Variants in ELMO1 observed in about 807,000 individuals in gnomAD.
ELMO1 encodes the protein engulfment and cell motility 1.
ELMO1 carries 26 observed loss-of-function variants against 98.9 expected under a neutral mutation model. The ratio of observed to expected loss-of-function variants is 0.26; its 90% confidence interval spans 0.19 to 0.36. The LOEUF (loss-of-function observed/expected upper bound fraction) is 0.36. Among genes scored for constraint, ELMO1 ranks in the 10% least tolerant of loss-of-function variants. ELMO1 has a pLI of 1.00. For synonymous variants in ELMO1, 346 were observed against 346.0 expected (o/e 1.00, Z 0.00); for missense variants, 627 against 935.2 (o/e 0.67, Z 4.30).
intron 4 of ELMO1, among the ~76,000 whole-genome samples, chr7:37,312,691 A>G (rs531732934): frequency 2.7e-4 from 41 of 152,308 alleles, no homozygotes; most frequent in African/African-American, 8.7e-4. Flanking sequence ...AATCTTCACT[A>G]CACTGAGGTC....
At chr7:37,057,535 T>C (rs1297014359) in intron 15 of ELMO1, among the ~76,000 whole-genome samples, 2 of 152,266 alleles carry the variant, frequency 1.3e-5, no homozygotes, top group African/African-American at 4.8e-5. Flanking sequence ...TCATGAGCTT[T>C]GTTCTTTACA....
intron 14 of ELMO1, among the ~76,000 whole-genome samples, chr7:37,131,564 C>G (rs1430076147): frequency 6.6e-6 from 1 of 152,216 alleles, no homozygotes; most frequent in Non-Finnish European, 1.5e-5. Context: ...TCAATTTCTA[C>G]TTAGCTTCTA....
intron 8 of ELMO1, among the ~76,000 whole-genome samples, chr7:37,227,510 T>G (rs1265121401): frequency 6.6e-6 from 1 of 152,072 alleles, no homozygotes; most frequent in Non-Finnish European, 1.5e-5. Context: ...CTCAGCCTCT[T>G]AAGTAGCTGG....
intron 15 of ELMO1, among the ~76,000 whole-genome samples, chr7:37,083,429 CCAG>C (rs1783583562): frequency 6.6e-6 from 1 of 152,026 alleles, no homozygotes; most frequent in African/African-American, 2.4e-5. Context: ...AGCAAAGAAA[CCAG>C]CAGATTTCCA....
At chr7:37,272,348 T>C (rs1476360272) in intron 4 of ELMO1, among the ~76,000 whole-genome samples, 4 of 152,152 alleles carry the variant, frequency 2.6e-5, no homozygotes, top group East Asian at 3.9e-4. Context: ...GTCTATCCGT[T>C]CCACAGAAAA....
At chr7:37,170,636 GTC>G (rs1275646726) in intron 13 of ELMO1, among the ~76,000 whole-genome samples, 1 of 138,524 alleles carries the variant, frequency 7.2e-6, no homozygotes, top group Non-Finnish European at 1.5e-5. Flanking sequence ...TTTTGTCAGA[GTC>G]TCACTCTGTC....
intron 16 of ELMO1, among the ~76,000 whole-genome samples, chr7:36,959,333 C>G (rs987312758): frequency 2.6e-5 from 4 of 152,122 alleles, no homozygotes; most frequent in Non-Finnish European, 5.9e-5. Context: ...CACTCCGGTG[C>G]TCAAAACTCT....
At chr7:36,990,113 G>A (rs1048773257) in intron 16 of ELMO1, among the ~76,000 whole-genome samples, 2 of 152,074 alleles carry the variant, frequency 1.3e-5, no homozygotes, top group African/African-American at 2.4e-5. Flanking sequence ...TAGCATCTTC[G>A]AGGAAACTTC....
At chr7:37,033,492 TAA>T (rs35858298) in intron 15 of ELMO1, 23,729 of 369,964 alleles carry the variant, frequency 0.064, 614 homozygotes, top group African/African-American at 0.15. Context: ...TGTTTAGTGT[TAA>T]AAAAAAAAAA....
At chr7:36,900,959 C>T (rs1288418899) in intron 16 of ELMO1, among the ~76,000 whole-genome samples, 1 of 152,136 alleles carries the variant, frequency 6.6e-6, no homozygotes, top group Non-Finnish European at 1.5e-5. Flanking sequence ...ACCCTAAGTG[C>T]TCATGTGTGG....
chr7:37,118,410 T>C (rs1183712220), intron 14 of ELMO1, among the ~76,000 whole-genome samples: 1 of 152,222 alleles, frequency 6.6e-6, no homozygotes, highest in Admixed American at 6.5e-5. Context: ...CTGGGAAACA[T>C]GCCTTTTCCT....
chr7:37,151,998 T>C (rs760691817), intron 13 of ELMO1, among the ~76,000 whole-genome samples: 19 of 152,082 alleles, frequency 1.2e-4, no homozygotes, highest in Admixed American at 5.2e-4. Context: ...AGGATTTGAG[T>C]CCATTGCCAA....
intron 1 of ELMO1, among the ~76,000 whole-genome samples, chr7:37,425,607 G>T (rs1804663896): frequency 6.6e-6 from 1 of 152,190 alleles, no homozygotes. Context: ...CATAAGCTCT[G>T]CCAACAGCTA....
chr7:36,996,917 A>C (rs1449515172), intron 16 of ELMO1, among the ~76,000 whole-genome samples: 2 of 152,170 alleles, frequency 1.3e-5, no homozygotes, highest in Non-Finnish European at 2.9e-5. Context: ...TGTTGTTTGG[A>C]AGAGTGGTTT....
At chr7:37,107,463 G>A (rs762046508) in intron 14 of ELMO1, among the ~76,000 whole-genome samples, 2 of 152,130 alleles carry the variant, frequency 1.3e-5, no homozygotes, top group Non-Finnish European at 2.9e-5. Context: ...AATTACAATG[G>A]GAAAATGGAT....
intron 13 of ELMO1, among the ~76,000 whole-genome samples, chr7:37,184,696 C>G (rs1791092082): frequency 6.6e-6 from 1 of 152,008 alleles, no homozygotes; most frequent in Admixed American, 6.6e-5. Context: ...TCACTTGAGC[C>G]TGGGAGTTTG....
rs183981328 is a variant in ELMO1, at chr7:37,294,726, G to A, written c.192+20124C>T. On this transcript the variant is annotated intron_variant, in intron 4 of 21. Coordinates refer to ENST00000310758, the MANE Select transcript of ELMO1 (RefSeq NM_014800.11). ...ATCATAAATTCATCTCAGGCCAGGC[G>A]CGGGGGCTCACGCCTGTAATCCCAA... is the stretch of plus-strand genomic sequence containing the variant. Among the ~76,000 whole-genome samples, 13 of 152,298 alleles carry A rather than the reference G, an allele frequency of 8.5e-5. No individual in the cohort carries two copies. The East Asian group carries it at 1.9e-3, about 23-fold the overall frequency.
At chr7:36,910,512 A>C (rs1584354384) in intron 16 of ELMO1, among the ~76,000 whole-genome samples, 1 of 152,332 alleles carries the variant, frequency 6.6e-6, no homozygotes, top group South Asian at 2.1e-4. Flanking sequence ...ACAACTGCTC[A>C]AGATCAGTTT....
At chr7:36,924,385 G>C (rs1330617932) in intron 16 of ELMO1, among the ~76,000 whole-genome samples, 1 of 152,136 alleles carries the variant, frequency 6.6e-6, no homozygotes, top group East Asian at 1.9e-4. Context: ...GGGCCCTCCT[G>C]CTGGCAGAGC....
Sources: gnomAD v4.1 joint callset for allele counts (sites outside exome capture counted in the v4.1 genomes callset) on GRCh38, gnomAD v4.1.1 for gene constraint, MANE v1.5 for transcripts, NCBI Gene and HGNC (gene_info 2026-07-23, HGNC 2026-07-21) for gene names.